GLDC: variants seen among roughly 807,000 people sequenced by gnomAD.
GLDC encodes glycine decarboxylase, also known as glycine dehydrogenase (decarboxylating), mitochondrial.
In GLDC, 104 loss-of-function variants were observed where a neutral mutation model predicts 121.3. That is an observed-to-expected ratio of 0.86 (90% CI 0.73 to 1.01). GLDC has a LOEUF of 1.01. Among genes scored for constraint, GLDC ranks in the 50% least tolerant of loss-of-function variants. GLDC has a pLI of 0.00. For synonymous variants in GLDC, 546 were observed against 480.6 expected (o/e 1.14, Z -1.78); for missense variants, 1,429 against 1,306.6 (o/e 1.09, Z -1.44).
chr9:6,615,984 T>TGTTC (rs1818960614), intron 3 of GLDC, among the ~76,000 whole-genome samples: 1 of 152,144 alleles, frequency 6.6e-6, no homozygotes, highest in African/African-American at 2.4e-5. Flanking sequence ...GTGCAGTGGC[T>TGTTC]GTTCACCTGT....
chr9:6,534,928 T>C (rs1009956134), intron 23 of GLDC, 140 bp from the exon 24 acceptor site: 1 of 681,328 alleles, frequency 1.5e-6, no homozygotes, highest in Admixed American at 2.1e-5. Context: ...GGGGGTACAA[T>C]GTGATTTATA....
intron 22 of GLDC, among the ~76,000 whole-genome samples, chr9:6,538,374 A>T (rs549048151): frequency 1.1e-4 from 16 of 152,232 alleles, no homozygotes; most frequent in Non-Finnish European, 1.9e-4. Flanking sequence ...TGGGTAAGGC[A>T]GTATGCCCCA....
rs1818699572 is a variant in GLDC, at chr9:6,604,947, A to G, written c.862-163T>C. 10 of 881,314 alleles carry G rather than the reference A, an allele frequency of 1.1e-5. No homozygotes were observed. The South Asian group carries it at 1.3e-4, about 11-fold the overall frequency. 54.6% of individuals were successfully genotyped at this position (881,314 alleles called of 1,614,324 possible). A position where few individuals can be genotyped will look rare whatever the true frequency, so the allele number is the denominator to read the frequency against. On this transcript the variant is annotated intron_variant, in intron 6 of 24. Coordinates refer to ENST00000321612, the MANE Select transcript of GLDC (RefSeq NM_000170.3). ...TTCAGTAAATACATACTGAGTGCCC[A>G]CCATGTGCCAGGAATCCGGGAACAG...
intron 3 of GLDC, among the ~76,000 whole-genome samples, chr9:6,617,744 T>A (rs532004539): frequency 3.5e-4 from 54 of 152,324 alleles, no homozygotes; most frequent in Admixed American, 2.4e-3. Flanking sequence ...TAATTGCATC[T>A]ACGACAAAGC....
At chr9:6,603,125 G>A (rs949291464) in intron 7 of GLDC, among the ~76,000 whole-genome samples, 1 of 152,020 alleles carries the variant, frequency 6.6e-6, no homozygotes, top group Non-Finnish European at 1.5e-5. Context: ...TTACTTGGGA[G>A]GCTGAGGCTC....
intron 15 of GLDC, among the ~76,000 whole-genome samples, chr9:6,584,376 G>A (rs1322817449): frequency 2.6e-5 from 4 of 152,236 alleles, no homozygotes; most frequent in South Asian, 2.1e-4. Flanking sequence ...AAAATGTGAC[G>A]TGCATATAGG....
chr9:6,560,817 G>C (rs1325484277), intron 16 of GLDC, among the ~76,000 whole-genome samples: 2 of 152,164 alleles, frequency 1.3e-5, no homozygotes, highest in East Asian at 3.8e-4. Context: ...TATGGCAAGG[G>C]GGACTTGCAG....
rs753873563 is a variant in GLDC at position 6,554,810 on chromosome 9, A to C, written c.2203-29T>G. 3 of 1,557,108 alleles carry C rather than the reference A, an allele frequency of 1.9e-6. No homozygotes were observed. The East Asian group carries it at 6.8e-5, about 35-fold the overall frequency. ...CCACAAAGGCAAGGGCCAAAAGCAA[A>C]AGTCAAGAGCTTGGAAGCACCCTCC... On this transcript the variant is annotated intron_variant, in intron 18 of 24. Coordinates refer to ENST00000321612, the MANE Select transcript of GLDC (RefSeq NM_000170.3).
At chr9:6,622,161 C>CACACAG (rs1362251080) in intron 2 of GLDC, among the ~76,000 whole-genome samples, 3 of 100,940 alleles carry the variant, frequency 3.0e-5, no homozygotes, top group Non-Finnish European at 6.2e-5. Context: ...CACACACAGA[C>CACACAG]ACACACACAC....
chr9:6,548,600 A>G (rs113731467), intron 21 of GLDC, among the ~76,000 whole-genome samples: 2 of 152,192 alleles, frequency 1.3e-5, no homozygotes, highest in African/African-American at 4.8e-5. Flanking sequence ...TAAATTAAAG[A>G]TCACAGCTAT....
At chr9:6,617,463 A>C (rs1818988158) in intron 3 of GLDC, among the ~76,000 whole-genome samples, 1 of 152,144 alleles carries the variant, frequency 6.6e-6, no homozygotes, top group Non-Finnish European at 1.5e-5. Flanking sequence ...TGTACTTTTG[A>C]GGCTTTTCTT....
At chr9:6,640,956 C>A (rs1819618876) in intron 2 of GLDC, among the ~76,000 whole-genome samples, 1 of 152,138 alleles carries the variant, frequency 6.6e-6, no homozygotes, top group African/African-American at 2.4e-5. Flanking sequence ...TCCTTCTAGT[C>A]CTTTTGTTGT....
intron 15 of GLDC, among the ~76,000 whole-genome samples, chr9:6,571,783 A>G (rs528761512): frequency 6.6e-6 from 1 of 152,354 alleles, no homozygotes; most frequent in East Asian, 1.9e-4. Context: ...GACCATGGGT[A>G]ACTGAAACTG....
chr9:6,549,003 C>G (rs2129698340), intron 21 of GLDC, among the ~76,000 whole-genome samples: 1 of 152,334 alleles, frequency 6.6e-6, no homozygotes, highest in South Asian at 2.1e-4. Context: ...ATCCACATCT[C>G]AGCCCATTTT....
At chr9:6,587,762 G>A (rs1006906488) in intron 14 of GLDC, among the ~76,000 whole-genome samples, 15 of 152,176 alleles carry the variant, frequency 9.9e-5, no homozygotes, top group African/African-American at 3.6e-4. Flanking sequence ...CCAGGAGTCT[G>A]AGATCAGACT....
rs1817036956 is a variant in GLDC, at chr9:6,533,152, C to T, written c.2928G>A (p.Val976=). Reference sequence around the variant, plus strand: ...TTGGCCAGAATTTGTTCTCTGGTTTCACGAAGGGCTGCAAAGGACAAAAGA... The same window carrying T: ...TTGGCCAGAATTTGTTCTCTGGTTTTACGAAGGGCTGCAAAGGACAAAAGA... ...REVAAFPLPF[V]KPENKFWPTI... The change falls in exon 25 of 25, where the codon GTG becomes GTA. Residue 976 remains valine, a synonymous_variant. Transcript: ENST00000321612. The T allele has an allele frequency of 6.2e-7, 1 of 1,613,656 alleles. No individual in the cohort carries two copies. The highest frequency in any genetic ancestry group is 8.5e-7 in the Non-Finnish European group (1 of 1,179,746).
In GLDC at chr9:6,540,179, G is replaced by A. The variant is rs749308099; in HGVS notation, c.2570-33C>T. The A allele has an allele frequency of 7.8e-6, 10 of 1,277,718 alleles. No individual in the cohort carries two copies. The Admixed American group carries it at 1.2e-4, about 15-fold the overall frequency. The allele number at this position is 1,277,718 out of a possible 1,614,324, so 79.1% of individuals were successfully genotyped here. On this transcript the variant is annotated intron_variant, in intron 21 of 24. Transcript: ENST00000321612. Reference sequence around the variant, plus strand: ...GGAAAGTTGTTTCAGCCCAAGATTAGCATCAGCTTATTGTTTTACCCAAAC... The same window carrying A: ...GGAAAGTTGTTTCAGCCCAAGATTAACATCAGCTTATTGTTTTACCCAAAC...
chr9:6,606,720 T>G (rs1219757624), intron 4 of GLDC, 51 bp from the exon 5 acceptor site: 3 of 1,028,004 alleles, frequency 2.9e-6, no homozygotes, highest in African/African-American at 3.2e-5. Flanking sequence ...TAAATAGGAC[T>G]ATCTTCTAAG....
intron 15 of GLDC, among the ~76,000 whole-genome samples, chr9:6,577,632 A>G (rs1447162648): frequency 6.6e-6 from 1 of 152,242 alleles, no homozygotes; most frequent in Non-Finnish European, 1.5e-5. Context: ...ATCACCTGAT[A>G]TTCTACCACC....
Sources: allele counts gnomAD v4.1 joint callset (sites outside exome capture counted in the v4.1 genomes callset), GRCh38; gene constraint gnomAD v4.1.1; transcripts MANE v1.5; gene names NCBI Gene and HGNC (gene_info 2026-07-23, HGNC 2026-07-21).